AHCY: variants seen among roughly 807,000 people sequenced by gnomAD.
AHCY encodes the protein S-adenosyl-L-homocysteine hydrolase.
A neutral mutation model predicts 45.4 loss-of-function variants in AHCY; 24 were observed. That is an observed-to-expected ratio of 0.53 (90% CI 0.38 to 0.74). The LOEUF (loss-of-function observed/expected upper bound fraction) is 0.74. Among genes scored for constraint, AHCY ranks in the 30% least tolerant of loss-of-function variants. AHCY has a pLI of 0.00. For synonymous variants in AHCY, 245 were observed against 235.1 expected (o/e 1.04, Z -0.39); for missense variants, 449 against 594.1 (o/e 0.76, Z 2.54).
At chr20:34,268,458 C>T in the AHCY span, among the ~76,000 whole-genome samples, 1 of 152,148 alleles carries the variant, frequency 6.6e-6, no homozygotes, top group African/African-American at 2.4e-5. Context: ...TGGCTCACGC[C>T]TGTAATGTAA....
the AHCY span, chr20:34,260,674 A>C: frequency 9.6e-7 from 1 of 1,039,070 alleles, no homozygotes; most frequent in Non-Finnish European, 1.4e-6. Flanking sequence ...TGGGAGAATA[A>C]GGTGGCCCTT....
chr20:34,301,801 A>G, intron 1 of AHCY: 1 of 985,216 alleles, frequency 1.0e-6, no homozygotes. Context: ...GAGACAGTCT[A>G]CTCTGGTAGC....
chr20:34,243,759 A>T, the AHCY span, among the ~76,000 whole-genome samples: 55 of 104,326 alleles, frequency 5.3e-4, no homozygotes, highest in African/African-American at 3.4e-3. Context: ...TATTGTATTT[A>T]AAAAAAAAAA....
At chr20:34,250,030 C>A in the AHCY span, 1 of 152,324 alleles carries the variant, frequency 6.6e-6, no homozygotes, top group Non-Finnish European at 1.5e-5. Flanking sequence ...TGCAGTTGCT[C>A]CTCCATGCTG....
At chr20:34,308,083 G>C (rs1423995493), upstream of AHCY, among the ~76,000 whole-genome samples, 3 of 152,158 alleles carry the variant, frequency 2.0e-5, no homozygotes, top group Non-Finnish European at 4.4e-5. Flanking sequence ...GTTTGTTAAG[G>C]ATAATGGCCT....
chr20:34,310,580 G>A (rs145779327), intron 1 of AHCY, among the ~76,000 whole-genome samples: 1 of 152,322 alleles, frequency 6.6e-6, no homozygotes, highest in East Asian at 1.9e-4. Flanking sequence ...TTATTCCAAA[G>A]ATGTTTGTAC....
At chr20:34,260,013 A>G in the AHCY span, among the ~76,000 whole-genome samples, 4 of 152,056 alleles carry the variant, frequency 2.6e-5, no homozygotes, top group South Asian at 4.2e-4. Flanking sequence ...GCCTTTCAAC[A>G]ACTCTGCCCA....
At chr20:34,245,333 CAAAAA>C in the AHCY span, among the ~76,000 whole-genome samples, 3 of 63,596 alleles carry the variant, frequency 4.7e-5, no homozygotes, top group Non-Finnish European at 3.6e-5. Flanking sequence ...GACTCTGTCT[CAAAAA>C]AAAAAAAAAA....
At chr20:34,274,951 C>CT in the AHCY span, among the ~76,000 whole-genome samples, 2 of 152,006 alleles carry the variant, frequency 1.3e-5, no homozygotes, top group Admixed American at 1.3e-4. Flanking sequence ...GACTTTGTCT[C>CT]TTTAAAAGAG....
chr20:34,258,073 G>A, the AHCY span, among the ~76,000 whole-genome samples: 1 of 151,964 alleles, frequency 6.6e-6, no homozygotes, highest in African/African-American at 2.4e-5. Context: ...GAATCCGGGA[G>A]GCAGAGGTTG....
At chr20:34,286,543 G>GAT in intron 8 of AHCY, 1 of 151,942 alleles carries the variant, frequency 6.6e-6, no homozygotes, top group East Asian at 1.9e-4. Context: ...AAAAAATGAG[G>GAT]ATACCCAGGC....
At chr20:34,284,591 C>T (rs1050207194) in intron 9 of AHCY, among the ~76,000 whole-genome samples, 3 of 152,064 alleles carry the variant, frequency 2.0e-5, no homozygotes, top group African/African-American at 4.8e-5. Context: ...GTGGCCGAGG[C>T]GGGTGGATCA....
At chr20:34,268,272 C>G in the AHCY span, among the ~76,000 whole-genome samples, 1 of 152,176 alleles carries the variant, frequency 6.6e-6, no homozygotes, top group African/African-American at 2.4e-5. Context: ...GCAGCAGTGT[C>G]CAAGACAGCT....
intron 1 of AHCY, among the ~76,000 whole-genome samples, chr20:34,300,822 GGAGAGAGACCAGACTGGGGT>G (rs1253258160): frequency 1.3e-5 from 2 of 152,210 alleles, no homozygotes; most frequent in Non-Finnish European, 2.9e-5. Context: ...AGACCTGCAA[GGAGAGAGACCAGACTGGGGT>G]GGTGACCGTG....
intron 1 of AHCY, among the ~76,000 whole-genome samples, chr20:34,300,155 A>C (rs574396092): frequency 3.0e-4 from 45 of 152,200 alleles, no homozygotes; most frequent in Non-Finnish European, 5.4e-4. Context: ...ACTGCACTCC[A>C]ACCTGGGTGA....
At chr20:34,300,840 GGTGGTGACC>G (rs2036746854) in intron 1 of AHCY, among the ~76,000 whole-genome samples, 3 of 152,148 alleles carry the variant, frequency 2.0e-5, no homozygotes, top group African/African-American at 7.2e-5. Flanking sequence ...ACCAGACTGG[GGTGGTGACC>G]GTGGAGACAG....
At chr20:34,258,697 T>C in the AHCY span, among the ~76,000 whole-genome samples, 1 of 13,134 alleles carries the variant, frequency 7.6e-5, no homozygotes, top group Non-Finnish European at 2.9e-4. Context: ...ATATACATAC[T>C]ATATATATAT....
intron 1 of AHCY, among the ~76,000 whole-genome samples, chr20:34,300,785 T>C (rs563488764): frequency 1.3e-5 from 2 of 152,324 alleles, no homozygotes; most frequent in East Asian, 1.9e-4. Flanking sequence ...GGCTGCTGTG[T>C]GGATCTGCGG....
At chr20:34,269,345 CG>C in the AHCY span, 13 of 749,138 alleles carry the variant, frequency 1.7e-5, no homozygotes, top group Non-Finnish European at 2.5e-5. Context: ...ATAGGCTGCT[CG>C]AAGGTGTGCG....
Sources: allele counts gnomAD v4.1 joint callset (sites outside exome capture counted in the v4.1 genomes callset), GRCh38; gene constraint gnomAD v4.1.1; transcripts MANE v1.5; gene names NCBI Gene and HGNC (gene_info 2026-07-23, HGNC 2026-07-21).